The following DTD1 variants were observed in gnomAD, a reference collection of about 807,000 sequenced individuals.
DTD1 encodes the protein D-tyrosyl-tRNA deacylase 1 homolog.
A neutral mutation model predicts 25.6 loss-of-function variants in DTD1; 13 were observed. The observed-to-expected ratio is 0.51, with a 90% CI of 0.33 to 0.81. The LOEUF (loss-of-function observed/expected upper bound fraction) is 0.81, where lower values mean the gene tolerates loss of function less well. Among genes scored for constraint, DTD1 ranks in the 30% least tolerant of loss-of-function variants. The probability of loss-of-function intolerance (pLI) is 0.02; values close to 1 mark genes in which losing one functional copy is unlikely to be tolerated. For synonymous variants in DTD1, 110 were observed against 103.6 expected (o/e 1.06, Z -0.37); for missense variants, 193 against 266.4 (o/e 0.72, Z 1.92).
chr20:18,708,066 C>T (rs571657664), intron 4 of DTD1, among the ~76,000 whole-genome samples: 10 of 148,756 alleles, frequency 6.7e-5, no homozygotes, highest in Admixed American at 6.2e-4. Context: ...TTGAAATGTG[C>T]CTGGTCCCAA....
chr20:18,750,160 G>A (rs1398300662), intron 5 of DTD1, among the ~76,000 whole-genome samples: 3 of 152,112 alleles, frequency 2.0e-5, no homozygotes, highest in Non-Finnish European at 4.4e-5. Context: ...GATCCTAAAC[G>A]GGACCAGAAC....
chr20:18,689,085 G>A (rs1019103684), intron 4 of DTD1, among the ~76,000 whole-genome samples: 3 of 152,292 alleles, frequency 2.0e-5, no homozygotes, highest in African/African-American at 4.8e-5. Flanking sequence ...TGCGTGGACC[G>A]TAATAGAGAG....
intron 3 of DTD1, among the ~76,000 whole-genome samples, chr20:18,606,874 A>G (rs941406818): frequency 6.6e-6 from 1 of 150,862 alleles, no homozygotes; most frequent in South Asian, 2.1e-4. Context: ...ACATGTATAC[A>G]TATGTAACTA....
intron 4 of DTD1, among the ~76,000 whole-genome samples, chr20:18,660,859 G>A (rs978982604): frequency 2.6e-5 from 4 of 152,330 alleles, no homozygotes; most frequent in Non-Finnish European, 2.9e-5. Context: ...AATACAGTGA[G>A]ATGCTGTGTA....
intron 3 of DTD1, among the ~76,000 whole-genome samples, chr20:18,618,767 T>C (rs1368759052): frequency 6.6e-6 from 1 of 150,700 alleles, no homozygotes; most frequent in Admixed American, 6.6e-5. Flanking sequence ...GGCTGGAATG[T>C]AATGGCGTCA....
chr20:18,680,402 T>TTTG (rs58382807), intron 4 of DTD1, among the ~76,000 whole-genome samples: 49,909 of 142,386 alleles, frequency 0.35, 9,384 homozygotes, highest in Non-Finnish European at 0.4. Flanking sequence ...CACAGTGATT[T>TTTG]TTGTTGTTGT....
intron 4 of DTD1, among the ~76,000 whole-genome samples, chr20:18,662,623 A>G (rs2122374911): frequency 6.6e-6 from 1 of 152,366 alleles, no homozygotes; most frequent in East Asian, 1.9e-4. Flanking sequence ...GAAAGGTTAC[A>G]CAAAGGGTGT....
intron 4 of DTD1, among the ~76,000 whole-genome samples, chr20:18,730,992 C>A (rs990418285): frequency 3.0e-4 from 45 of 152,174 alleles, no homozygotes; most frequent in African/African-American, 1.1e-3. Flanking sequence ...GTCTTTTATT[C>A]ACCCAACATA....
At chr20:18,739,758 T>C (rs1222974651) in intron 4 of DTD1, among the ~76,000 whole-genome samples, 1 of 148,490 alleles carries the variant, frequency 6.7e-6, no homozygotes, top group Non-Finnish European at 1.5e-5. Context: ...AAAAAAAAAA[T>C]CCAGCTGCTT....
At chr20:18,687,439 G>A (rs896039600) in intron 4 of DTD1, among the ~76,000 whole-genome samples, 1 of 152,230 alleles carries the variant, frequency 6.6e-6, no homozygotes, top group African/African-American at 2.4e-5. Flanking sequence ...TTCTGATAAA[G>A]GAGAAATCTC....
chr20:18,753,132 A>G (rs1287260278), intron 5 of DTD1, among the ~76,000 whole-genome samples: 1 of 152,234 alleles, frequency 6.6e-6, no homozygotes, highest in East Asian at 1.9e-4. Flanking sequence ...GATGTAAATT[A>G]AAATTAAATA....
chr20:18,714,029 G>A (rs532261330), intron 4 of DTD1, among the ~76,000 whole-genome samples: 1 of 152,292 alleles, frequency 6.6e-6, no homozygotes, highest in East Asian at 1.9e-4. Flanking sequence ...TGACCTGGAA[G>A]GCCCAAAGGT....
intron 4 of DTD1, among the ~76,000 whole-genome samples, chr20:18,632,894 G>A (rs1326758181): frequency 1.3e-5 from 2 of 152,090 alleles, no homozygotes; most frequent in Non-Finnish European, 2.9e-5. Context: ...ATGTGTGCAT[G>A]CATTTGTGTA....
chr20:18,762,779 T>A (rs1568693846), intron 5 of DTD1, among the ~76,000 whole-genome samples: 1 of 152,126 alleles, frequency 6.6e-6, no homozygotes, highest in Non-Finnish European at 1.5e-5. Flanking sequence ...ATTTTATTGA[T>A]CTTTTTATTT....
chr20:18,704,821 G>A (rs2061119893), intron 4 of DTD1, among the ~76,000 whole-genome samples: 1 of 152,140 alleles, frequency 6.6e-6, no homozygotes, highest in Admixed American at 6.5e-5. Flanking sequence ...AGAGGAAGAT[G>A]ATCAAGGAGA....
intron 4 of DTD1, among the ~76,000 whole-genome samples, chr20:18,650,545 C>T (rs775498322): frequency 6.6e-6 from 1 of 152,240 alleles, no homozygotes; most frequent in African/African-American, 2.4e-5. Flanking sequence ...CCCCATGCTG[C>T]TCCACTTCTG....
chr20:18,610,996 G>C (rs573329655), intron 3 of DTD1: 7 of 134,772 alleles, frequency 5.2e-5, no homozygotes, highest in African/African-American at 1.5e-4. Context: ...CAAGTGCAAA[G>C]TAATTTTAAT....
At chr20:18,708,999 G>A (rs371047651) in intron 4 of DTD1, among the ~76,000 whole-genome samples, 2 of 152,132 alleles carry the variant, frequency 1.3e-5, no homozygotes, top group African/African-American at 4.8e-5. Flanking sequence ...CCACTGCTGC[G>A]TCCCTTCTTT....
chr20:18,726,841 C>G (rs1209535979), intron 4 of DTD1, among the ~76,000 whole-genome samples: 1 of 152,214 alleles, frequency 6.6e-6, no homozygotes, highest in Non-Finnish European at 1.5e-5. Context: ...GAGATGGGGA[C>G]ACAGTGTCTT....
Sources: allele counts gnomAD v4.1 joint callset (sites outside exome capture counted in the v4.1 genomes callset), GRCh38; gene constraint gnomAD v4.1.1; transcripts MANE v1.5; gene names NCBI Gene and HGNC (gene_info 2026-07-23, HGNC 2026-07-21).